Variants in ITPK1 observed in about 807,000 individuals in gnomAD.
The protein encoded by ITPK1 is inositol-tetrakisphosphate 1-kinase.
A neutral mutation model predicts 45.3 loss-of-function variants in ITPK1; 21 were observed. The ratio of observed to expected loss-of-function variants is 0.46; its 90% CI spans 0.33 to 0.67. The LOEUF (loss-of-function observed/expected upper bound fraction) is 0.67, where lower values mean the gene tolerates loss of function less well. ITPK1 is among the 30% of genes least tolerant of loss of function. ITPK1 has a pLI of 0.02. For missense variants in ITPK1, 474 were observed against 573.5 expected, an observed-to-expected ratio of 0.83 and a Z score of 1.77; for synonymous variants, 258 against 253.6, an observed-to-expected ratio of 1.02 and a Z score of -0.16.
At position 93,078,466 on chromosome 14, in the gene ITPK1, G is replaced by A. The variant is rs531015276; in HGVS notation, c.96-1847C>T. 5.3e-5 allele frequency among the ~76,000 whole-genome samples: 8 copies of A among 152,194 alleles called. No individual in the cohort carries two copies. In the South Asian group the frequency reaches 8.3e-4, roughly 16 times the overall value. ...CCAGCCCACCTTCCCTCAAACCCCC[G>A]ACACCTCAACAGAAACCTGGGCCCC... On this transcript the variant is annotated intron_variant, in intron 2 of 10. Coordinates refer to ENST00000267615, the MANE Select transcript of ITPK1 (RefSeq NM_014216.6).
chr14:93,055,183 A>G (rs750021793), intron 3 of ITPK1, among the ~76,000 whole-genome samples: 13 of 152,196 alleles, frequency 8.5e-5, no homozygotes, highest in Non-Finnish European at 4.4e-5. Flanking sequence ...ATGATAACAC[A>G]GGTCATGTAC....
intron 4 of ITPK1, among the ~76,000 whole-genome samples, chr14:93,013,719 C>G (rs1342290399): frequency 6.6e-6 from 1 of 152,198 alleles, no homozygotes; most frequent in Non-Finnish European, 1.5e-5. Flanking sequence ...CTATAGCATC[C>G]CTATCCCTCC....
chr14:93,062,459 T>G (rs1890567360), intron 3 of ITPK1, among the ~76,000 whole-genome samples: 1 of 152,140 alleles, frequency 6.6e-6, no homozygotes, highest in African/African-American at 2.4e-5. Flanking sequence ...AAAAAAAGTT[T>G]TTTTAATGCA....
intron 3 of ITPK1, among the ~76,000 whole-genome samples, chr14:93,061,580 C>G (rs1295310137): frequency 6.6e-6 from 1 of 152,194 alleles, no homozygotes. Context: ...GGTGATAACA[C>G]AGCATTCAAA....
intron 6 of ITPK1, 59 bp from the exon 7 acceptor site, chr14:92,962,454 A>G: frequency 8.5e-7 from 1 of 1,171,386 alleles, no homozygotes; most frequent in South Asian, 1.2e-5. Context: ...CCCACAAGGC[A>G]GGTACTTGGC....
chr14:93,106,127 A>G (rs1892513731), intron 2 of ITPK1, among the ~76,000 whole-genome samples: 1 of 151,976 alleles, frequency 6.6e-6, no homozygotes. Flanking sequence ...CTGAGACCTA[A>G]CCTGATTCTT....
chr14:92,952,228 A>G (rs2139717966), intron 8 of ITPK1, among the ~76,000 whole-genome samples: 2 of 152,174 alleles, frequency 1.3e-5, no homozygotes, highest in Non-Finnish European at 2.9e-5. Context: ...CATAAAAGTA[A>G]CCGATGTAAT....
At chr14:92,967,952 G>C (rs1457414689) in intron 5 of ITPK1, among the ~76,000 whole-genome samples, 1 of 152,184 alleles carries the variant, frequency 6.6e-6, no homozygotes, top group African/African-American at 2.4e-5. Context: ...CTTTGGGGGT[G>C]ATGAAAATGT....
chr14:93,042,447 A>G (rs1889596999), intron 3 of ITPK1, among the ~76,000 whole-genome samples: 1 of 152,178 alleles, frequency 6.6e-6, no homozygotes, highest in Non-Finnish European at 1.5e-5. Context: ...ACATGCAGCC[A>G]TTTGCCAAAA....
intron 5 of ITPK1, among the ~76,000 whole-genome samples, chr14:92,967,895 G>A (rs971205754): frequency 6.6e-6 from 1 of 152,228 alleles, no homozygotes; most frequent in African/African-American, 2.4e-5. Context: ...TGGTTGACAG[G>A]AGCTGGGGAA....
chr14:93,085,905 G>A (rs561634809), intron 2 of ITPK1, among the ~76,000 whole-genome samples: 1 of 152,192 alleles, frequency 6.6e-6, no homozygotes, highest in East Asian at 1.9e-4. Flanking sequence ...GGAAGCAGGG[G>A]AGTTGGCTGC....
chr14:93,012,135 AGCACTGG>A lies in ITPK1; in HGVS notation c.246+4534_246+4540del, dbSNP rs1887942464. 1.3e-5 allele frequency among the ~76,000 whole-genome samples: 2 copies of A among 152,126 alleles called. No individual in the cohort carries two copies. Among genetic ancestry groups the A allele is most frequent in the African/African-American group, 4.8e-5 (2 of 41,446 alleles). ...TGAAAGGCCGCCCCAGCGCATGACCAGCACTGGGCATGCGCCGCCACCCAAACACTTA... is the reference window on the plus strand; with the variant it reads ...TGAAAGGCCGCCCCAGCGCATGACCAGCATGCGCCGCCACCCAAACACTTA... On this transcript the variant is annotated intron_variant, in intron 4 of 10. Transcript: ENST00000267615. This position sits in a 1 kb window ranked among gnomAD's most constrained non-coding sequence, Gnocchi z 4.9.
chr14:93,060,186 G>T (rs1035065017), intron 3 of ITPK1, among the ~76,000 whole-genome samples: 1 of 152,114 alleles, frequency 6.6e-6, no homozygotes, highest in African/African-American at 2.4e-5. Context: ...CACCTTACCT[G>T]CGGCCCAAGA....
chr14:93,053,614 G>A (rs963934454), intron 3 of ITPK1, among the ~76,000 whole-genome samples: 2 of 152,224 alleles, frequency 1.3e-5, no homozygotes, highest in Non-Finnish European at 2.9e-5. Context: ...AACACCAAGA[G>A]TGAGCCCTAT....
intron 4 of ITPK1, among the ~76,000 whole-genome samples, chr14:93,010,827 C>T (rs554356676): frequency 1.3e-5 from 2 of 152,218 alleles, no homozygotes; most frequent in South Asian, 4.1e-4. Context: ...TCACAGTAAG[C>T]GTGGCTGACT....
chr14:93,096,013 AT>A (rs1892066045), intron 2 of ITPK1, among the ~76,000 whole-genome samples: 1 of 152,124 alleles, frequency 6.6e-6, no homozygotes, highest in African/African-American at 2.4e-5. Flanking sequence ...CTCCTGTAAA[AT>A]AATCTCAAAC....
intron 2 of ITPK1, among the ~76,000 whole-genome samples, chr14:93,086,958 G>A (rs1891674687): frequency 1.3e-5 from 2 of 152,210 alleles, no homozygotes; most frequent in South Asian, 2.1e-4. Context: ...CGGGTCACAT[G>A]GGCTCTGGCC....
At chr14:93,078,744 T>C (rs1305599291) in intron 2 of ITPK1, among the ~76,000 whole-genome samples, 1 of 152,052 alleles carries the variant, frequency 6.6e-6, no homozygotes, top group Non-Finnish European at 1.5e-5. Flanking sequence ...TGAGCACCTG[T>C]GGACACCTCA....
At chr14:92,987,954 G>A (rs925047295) in intron 5 of ITPK1, among the ~76,000 whole-genome samples, 8 of 152,342 alleles carry the variant, frequency 5.3e-5, no homozygotes, top group South Asian at 2.1e-4. Flanking sequence ...GCACCTACCC[G>A]GCCTGGTCTG....
Sources: gnomAD v4.1 joint callset for allele counts (sites outside exome capture counted in the v4.1 genomes callset) on GRCh38, gnomAD v4.1.1 for gene constraint, Gnocchi (gnomAD v3.1) non-coding constraint, MANE v1.5 for transcripts, NCBI Gene and HGNC (gene_info 2026-07-23, HGNC 2026-07-21) for gene names.